The following LIN7A variants were observed in gnomAD, a reference collection of about 807,000 sequenced individuals.
LIN7A encodes protein lin-7 homolog A.
In LIN7A, 25 loss-of-function variants were observed where a neutral mutation model predicts 29.8. The ratio of observed to expected loss-of-function variants is 0.84; its 90% CI spans 0.61 to 1.17. LIN7A has a LOEUF of 1.17. Ranked by LOEUF, LIN7A falls within the 50% of genes most tolerant of loss-of-function variation. The pLI, the probability that LIN7A is intolerant of heterozygous loss-of-function variation, is 0.00. For missense variants in LIN7A, 239 were observed against 287.0 expected (o/e 0.83, Z 1.21); for synonymous variants, 118 against 107.5 (o/e 1.10, Z -0.60).
chr12:80,816,410 C>CAA (rs145507202), intron 4 of LIN7A, among the ~76,000 whole-genome samples: 1 of 138,934 alleles, frequency 7.2e-6, no homozygotes, highest in South Asian at 2.3e-4. Flanking sequence ...GACTCTGTCT[C>CAA]AAAAAAAAAA....
chr12:80,846,813 C>T (rs1873098665), intron 3 of LIN7A, among the ~76,000 whole-genome samples: 1 of 152,138 alleles, frequency 6.6e-6, no homozygotes, highest in Non-Finnish European at 1.5e-5. Context: ...CCACTAACCC[C>T]ATAGAAATAA....
At chr12:80,889,701 G>T (rs1169652693) in intron 1 of LIN7A, among the ~76,000 whole-genome samples, 1 of 152,018 alleles carries the variant, frequency 6.6e-6, no homozygotes, top group Non-Finnish European at 1.5e-5. Context: ...CATCAATTTT[G>T]CCTCTGAGGT....
chr12:80,903,450 A>T (rs968352464), intron 1 of LIN7A, among the ~76,000 whole-genome samples: 1 of 152,092 alleles, frequency 6.6e-6, no homozygotes, highest in South Asian at 2.1e-4. Flanking sequence ...AAGTGAGAAC[A>T]TGTGGTATTG....
intron 2 of LIN7A, among the ~76,000 whole-genome samples, chr12:80,852,330 T>C (rs1873375445): frequency 6.6e-6 from 1 of 152,148 alleles, no homozygotes; most frequent in Non-Finnish European, 1.5e-5. Flanking sequence ...TTACATTGCA[T>C]AGTTCGTCTT....
rs1555221349 is a variant in LIN7A, at chr12:80,807,072, T to TTG, written c.*4392_*4393insCA. Among the ~76,000 whole-genome samples the TTG allele has an allele frequency of 2.3e-3, 279 of 120,276 alleles. 31 individuals are homozygous for TTG. The highest frequency in any genetic ancestry group is 9.0e-3 in the African/African-American group (267 of 29,648). The allele number at this position is 120,276 out of a possible 152,430, so 78.9% of individuals were successfully genotyped here. On this transcript the variant is annotated intron_variant, in intron 5 of 5. Transcript: ENST00000552864. The stretch of plus-strand genomic sequence containing the variant: ...ATTTAATGAAGATGGAGTTTTTTTT[T>TTG]TTTTTTTTTTTTTTTTTTTGACGGA...
chr12:80,881,897 A>G (rs1272459883), intron 2 of LIN7A, among the ~76,000 whole-genome samples: 1 of 152,088 alleles, frequency 6.6e-6, no homozygotes, highest in East Asian at 1.9e-4. Context: ...TGGCATGGTT[A>G]ATTCTCTTGC....
chr12:80,811,415 G>GTATATA (rs1592852370), intron 5 of LIN7A, 50 bp downstream of exon 5: 24 of 675,886 alleles, frequency 3.6e-5, no homozygotes, highest in African/African-American at 1.2e-4. Flanking sequence ...ATATATGTGT[G>GTATATA]TGTGTATATA....
intron 4 of LIN7A, among the ~76,000 whole-genome samples, chr12:80,834,660 A>G (rs1872530353): frequency 6.6e-6 from 1 of 152,238 alleles, no homozygotes; most frequent in Non-Finnish European, 1.5e-5. Flanking sequence ...TCTGAGACTC[A>G]GCAACCAACA....
At chr12:80,822,080 T>C (rs995912127) in intron 4 of LIN7A, among the ~76,000 whole-genome samples, 1 of 152,078 alleles carries the variant, frequency 6.6e-6, no homozygotes, top group Non-Finnish European at 1.5e-5. Context: ...GACTGGGTAG[T>C]TTATAAAGGA....
At chr12:80,810,228 T>C (rs962215909) in intron 5 of LIN7A, among the ~76,000 whole-genome samples, 1 of 152,170 alleles carries the variant, frequency 6.6e-6, no homozygotes, top group African/African-American at 2.4e-5. Flanking sequence ...ACTCTCTACT[T>C]CTATGAATTA....
intron 4 of LIN7A, among the ~76,000 whole-genome samples, chr12:80,812,196 G>T (rs868785835): frequency 1.3e-5 from 2 of 151,918 alleles, no homozygotes; most frequent in Admixed American, 6.6e-5. Context: ...GTGGACTTTA[G>T]ACCAAAGGAG....
intron 2 of LIN7A, among the ~76,000 whole-genome samples, chr12:80,866,898 A>G (rs1454697148): frequency 1.3e-5 from 2 of 152,286 alleles, no homozygotes; most frequent in East Asian, 3.9e-4. Context: ...AGTTCCAAAA[A>G]TCACATGCAG....
At chr12:80,920,863 AT>A (rs1213718264) in intron 1 of LIN7A, among the ~76,000 whole-genome samples, 1 of 152,234 alleles carries the variant, frequency 6.6e-6, no homozygotes, top group Non-Finnish European at 1.5e-5. Context: ...TATGTACCAT[AT>A]TAAGTTGTAA....
At chr12:80,843,819 G>A (rs564550518) in intron 4 of LIN7A, among the ~76,000 whole-genome samples, 3 of 152,134 alleles carry the variant, frequency 2.0e-5, no homozygotes, top group Admixed American at 2.0e-4. Context: ...TCCAGATAAG[G>A]TAACTGCCGC....
chr12:80,931,574 G>T (rs1169746283), intron 1 of LIN7A, among the ~76,000 whole-genome samples: 2 of 150,510 alleles, frequency 1.3e-5, no homozygotes, highest in Non-Finnish European at 3.0e-5. Context: ...AAAGGCTGAG[G>T]TTGCAGTGAG....
intron 1 of LIN7A, among the ~76,000 whole-genome samples, chr12:80,930,447 G>A (rs1420101120): frequency 6.6e-6 from 1 of 152,100 alleles, no homozygotes. Context: ...GTAGTGCAGA[G>A]TGAGTTCAAG....
At chr12:80,822,162 G>T (rs879441170) in intron 4 of LIN7A, among the ~76,000 whole-genome samples, 1 of 152,158 alleles carries the variant, frequency 6.6e-6, no homozygotes, top group Non-Finnish European at 1.5e-5. Context: ...GCAAGAAGGC[G>T]CAAAGCTACA....
chr12:80,835,165 T>A (rs1872547808), intron 4 of LIN7A, among the ~76,000 whole-genome samples: 1 of 152,220 alleles, frequency 6.6e-6, no homozygotes, highest in African/African-American at 2.4e-5. Flanking sequence ...GTTTACATAT[T>A]CTGTTTTTGT....
At chr12:80,878,597 T>G (rs551192112) in intron 2 of LIN7A, among the ~76,000 whole-genome samples, 2 of 152,184 alleles carry the variant, frequency 1.3e-5, no homozygotes, top group African/African-American at 4.8e-5. Flanking sequence ...ACTTCCACAG[T>G]ACGGAAAGAG....
Sources: allele counts gnomAD v4.1 joint callset (sites outside exome capture counted in the v4.1 genomes callset), GRCh38; gene constraint gnomAD v4.1.1; transcripts MANE v1.5; gene names NCBI Gene and HGNC (gene_info 2026-07-23, HGNC 2026-07-21).